The following ANO10 variants were observed in gnomAD, a reference collection of about 807,000 sequenced individuals.
ANO10 encodes anoctamin-10.
A neutral mutation model predicts 74.7 loss-of-function variants in ANO10; 77 were observed. That is an observed-to-expected ratio of 1.03 (90% CI 0.86 to 1.25). The LOEUF (loss-of-function observed/expected upper bound fraction) is 1.25, where lower values mean the gene tolerates loss of function less well. Among genes scored for constraint, ANO10 ranks in the 50% most tolerant of loss-of-function variants. The pLI is 0.00. For synonymous variants in ANO10, 279 were observed against 284.9 expected (o/e 0.98, Z 0.21); for missense variants, 721 against 778.1 (o/e 0.93, Z 0.87).
At chr3:43,568,861 C>A (rs2149374728) in intron 7 of ANO10, among the ~76,000 whole-genome samples, 1 of 150,170 alleles carries the variant, frequency 6.7e-6, no homozygotes, top group South Asian at 2.1e-4. Flanking sequence ...GAGATAGAGA[C>A]ACAAAAAACC....
intron 11 of ANO10, among the ~76,000 whole-genome samples, chr3:43,521,055 C>T (rs1224395808): frequency 3.3e-5 from 5 of 152,028 alleles, no homozygotes; most frequent in East Asian, 1.9e-4. Context: ...TAATGGATTC[C>T]TTAGGATTTT....
At chr3:43,633,001 C>T (rs72866841) in intron 1 of ANO10, among the ~76,000 whole-genome samples, 2,902 of 152,156 alleles carry the variant, frequency 0.019, 97 homozygotes, top group African/African-American at 0.066. Context: ...AGGTATTTCG[C>T]ATCACGTTTA....
intron 1 of ANO10, among the ~76,000 whole-genome samples, chr3:43,661,796 A>G (rs1433379149): frequency 6.6e-6 from 1 of 152,254 alleles, no homozygotes; most frequent in Non-Finnish European, 1.5e-5. Context: ...ACAAAGATCA[A>G]AAGAGACAAA....
At chr3:43,466,392 C>A (rs56116504) in intron 11 of ANO10, among the ~76,000 whole-genome samples, 12,961 of 121,750 alleles carry the variant, frequency 0.11, 1,153 homozygotes, top group African/African-American at 0.24. Context: ...AAAAAACAAA[C>A]AAAAAAACCA....
chr3:43,684,966 G>C (rs1004134987), intron 1 of ANO10, among the ~76,000 whole-genome samples: 1 of 152,146 alleles, frequency 6.6e-6, no homozygotes, highest in African/African-American at 2.4e-5. Context: ...AGCATTAGGA[G>C]ATATATCTAA....
intron 8 of ANO10, among the ~76,000 whole-genome samples, chr3:43,564,668 T>C (rs2080221394): frequency 6.6e-6 from 1 of 152,220 alleles, no homozygotes; most frequent in African/African-American, 2.4e-5. Context: ...ATGCTGGTGC[T>C]TGGATATCTA....
At chr3:43,531,475 T>A (rs2078465330) in intron 11 of ANO10, among the ~76,000 whole-genome samples, 1 of 152,240 alleles carries the variant, frequency 6.6e-6, no homozygotes, top group African/African-American at 2.4e-5. Context: ...ATCAACATTT[T>A]AAAATATGAA....
At chr3:43,515,193 T>C (rs1458700340) in intron 11 of ANO10, among the ~76,000 whole-genome samples, 1 of 152,202 alleles carries the variant, frequency 6.6e-6, no homozygotes, top group Non-Finnish European at 1.5e-5. Context: ...GCCAGGATAA[T>C]TGATTAAACA....
At chr3:43,567,814 A>G (rs1349511657) in intron 7 of ANO10, among the ~76,000 whole-genome samples, 3 of 152,118 alleles carry the variant, frequency 2.0e-5, no homozygotes, top group Admixed American at 2.0e-4. Context: ...TAATGACAGG[A>G]TCAAATTCAC....
At chr3:43,540,247 C>T (rs2078896778) in intron 11 of ANO10, among the ~76,000 whole-genome samples, 1 of 152,176 alleles carries the variant, frequency 6.6e-6, no homozygotes, top group African/African-American at 2.4e-5. Flanking sequence ...AAATCTTTTG[C>T]TGTAGAGCTA....
chr3:43,687,022 G>A (rs117916714), intron 1 of ANO10, among the ~76,000 whole-genome samples: 3,190 of 147,766 alleles, frequency 0.022, 54 homozygotes, highest in South Asian at 0.093. Flanking sequence ...TTTTTTTTGA[G>A]AAGTCACTAC....
Position 43,396,415 on chromosome 3 carries a change from T to G in ANO10, c.1915-29441A>C, listed in dbSNP as rs926654295. ...GTGCAGTGGCGCAATCTTGGCTCACTGCAACCTCCGCCTCCCAAGTTCATG... is the reference window on the plus strand; with the variant it reads ...GTGCAGTGGCGCAATCTTGGCTCACGGCAACCTCCGCCTCCCAAGTTCATG... On this transcript the variant is annotated intron_variant, in intron 12 of 12. Transcript: ENST00000292246. Among the ~76,000 whole-genome samples, 10 of 152,266 alleles carry G rather than the reference T, an allele frequency of 6.6e-5. No homozygotes were observed. In the East Asian group the frequency reaches 1.9e-3, roughly 29 times the overall value.
intron 9 of ANO10, among the ~76,000 whole-genome samples, chr3:43,556,067 G>A (rs1220468578): frequency 6.6e-6 from 1 of 152,142 alleles, no homozygotes; most frequent in Non-Finnish European, 1.5e-5. Flanking sequence ...AAATAACTTG[G>A]TTGGTTGCAT....
intron 1 of ANO10, among the ~76,000 whole-genome samples, chr3:43,685,087 G>GA (rs1243422510): frequency 1.3e-5 from 2 of 151,792 alleles, no homozygotes; most frequent in Non-Finnish European, 2.9e-5. Context: ...ATAATAAAGA[G>GA]AAAAAAAATA....
intron 12 of ANO10, among the ~76,000 whole-genome samples, chr3:43,389,157 T>C (rs2092209991): frequency 6.6e-6 from 1 of 152,244 alleles, no homozygotes; most frequent in Non-Finnish European, 1.5e-5. Context: ...CTCTACCTCC[T>C]TGCTTTGCTT....
intron 11 of ANO10, among the ~76,000 whole-genome samples, chr3:43,496,749 C>T (rs1023277072): frequency 6.6e-6 from 1 of 152,132 alleles, no homozygotes; most frequent in Non-Finnish European, 1.5e-5. Flanking sequence ...TTTCTCCACA[C>T]TTCACCACTC....
At chr3:43,662,215 C>A (rs1018961028) in intron 1 of ANO10, among the ~76,000 whole-genome samples, 59 of 152,176 alleles carry the variant, frequency 3.9e-4, no homozygotes, top group African/African-American at 1.4e-3. Context: ...TCTCTCAGAC[C>A]ACAGTTCAAT....
chr3:43,489,681 G>T (rs2076643651), intron 11 of ANO10, among the ~76,000 whole-genome samples: 1 of 152,054 alleles, frequency 6.6e-6, no homozygotes, highest in Non-Finnish European at 1.5e-5. Flanking sequence ...TTCATTTCAG[G>T]TGCTCAGAAC....
At chr3:43,626,392 T>C (rs576706365), upstream of ANO10, among the ~76,000 whole-genome samples, 301 of 151,450 alleles carry the variant, frequency 2.0e-3, 1 homozygote, top group Non-Finnish European at 3.8e-3. Flanking sequence ...CCTCCCAGGT[T>C]CAAGCAATTC....
Sources: gnomAD v4.1 joint callset for allele counts (sites outside exome capture counted in the v4.1 genomes callset) on GRCh38, gnomAD v4.1.1 for gene constraint, MANE v1.5 for transcripts, NCBI Gene and HGNC (gene_info 2026-07-23, HGNC 2026-07-21) for gene names.